Variants in CATSPERT observed in about 807,000 individuals in gnomAD.
CATSPERT encodes catsper channel auxiliary subunit tau.
chr2:201,578,848 T>C, the CATSPERT span, among the ~76,000 whole-genome samples: 1 of 152,186 alleles, frequency 6.6e-6, no homozygotes, highest in Non-Finnish European at 1.5e-5. Flanking sequence ...TAAATTGCCA[T>C]ACAGTCAAAG....
chr2:201,505,691 A>G, the CATSPERT span, among the ~76,000 whole-genome samples: 4 of 152,224 alleles, frequency 2.6e-5, no homozygotes, highest in Non-Finnish European at 4.4e-5. Flanking sequence ...CTGGAGAGTC[A>G]TGACAACAAA....
chr2:201,603,785 CT>C, the CATSPERT span, among the ~76,000 whole-genome samples: 1 of 152,092 alleles, frequency 6.6e-6, no homozygotes, highest in Non-Finnish European at 1.5e-5. Flanking sequence ...GCATCATGTG[CT>C]TAACCAAAAA....
chr2:201,617,643 C>A, the CATSPERT span, among the ~76,000 whole-genome samples: 1 of 152,296 alleles, frequency 6.6e-6, no homozygotes, highest in Non-Finnish European at 1.5e-5. Flanking sequence ...AGGATATAGG[C>A]ATGGCCAAGG....
the CATSPERT span, among the ~76,000 whole-genome samples, chr2:201,560,144 T>C: frequency 6.6e-6 from 1 of 152,106 alleles, no homozygotes; most frequent in Non-Finnish European, 1.5e-5. Context: ...TGTAAAATTG[T>C]GGGCCAGGTA....
At chr2:201,535,398 T>G in the CATSPERT span, 3 of 978,112 alleles carry the variant, frequency 3.1e-6, no homozygotes, top group African/African-American at 1.8e-5. Context: ...GGCTGTCATT[T>G]TGAGAAAGTC....
At chr2:201,595,750 G>A in the CATSPERT span, among the ~76,000 whole-genome samples, 8 of 152,096 alleles carry the variant, frequency 5.3e-5, no homozygotes, top group South Asian at 4.1e-4. Context: ...TTGTTTGGCA[G>A]GGCACAGACA....
the CATSPERT span, among the ~76,000 whole-genome samples, chr2:201,559,016 T>A: frequency 5.9e-5 from 9 of 152,096 alleles, no homozygotes; most frequent in African/African-American, 1.9e-4. Flanking sequence ...GGTGAACCTG[T>A]CCTTAAGCTG....
At chr2:201,530,648 G>A in the CATSPERT span, among the ~76,000 whole-genome samples, 1 of 152,178 alleles carries the variant, frequency 6.6e-6, no homozygotes, top group Non-Finnish European at 1.5e-5. Context: ...TCGGAGATAT[G>A]AGGTTAATGA....
At chr2:201,510,724 A>G in the CATSPERT span, among the ~76,000 whole-genome samples, 1 of 152,224 alleles carries the variant, frequency 6.6e-6, no homozygotes, top group African/African-American at 2.4e-5. Flanking sequence ...AATCATAGAT[A>G]GATTAAATAG....
At chr2:201,496,177 T>C in the CATSPERT span, among the ~76,000 whole-genome samples, 1 of 152,074 alleles carries the variant, frequency 6.6e-6, no homozygotes, top group Non-Finnish European at 1.5e-5. Flanking sequence ...ATAGTCACCC[T>C]ATTGAATTTG....
the CATSPERT span, among the ~76,000 whole-genome samples, chr2:201,612,129 T>C: frequency 1.3e-5 from 2 of 152,230 alleles, no homozygotes; most frequent in African/African-American, 4.8e-5. Flanking sequence ...ATATCATTAT[T>C]TCCTTTTGCT....
chr2:201,555,384 G>T, the CATSPERT span: 2 of 152,036 alleles, frequency 1.3e-5, no homozygotes, highest in Admixed American at 1.3e-4. Context: ...GCATGGTAGC[G>T]CATGCCTGTA....
chr2:201,497,673 T>G, the CATSPERT span, among the ~76,000 whole-genome samples: 4 of 152,298 alleles, frequency 2.6e-5, no homozygotes, highest in East Asian at 7.7e-4. Flanking sequence ...CTGGGTATTA[T>G]TGATTAGATG....
chr2:201,517,039 G>C, the CATSPERT span, among the ~76,000 whole-genome samples: 1 of 150,528 alleles, frequency 6.6e-6, no homozygotes, highest in Non-Finnish European at 1.5e-5. Flanking sequence ...TTTTCTTTCT[G>C]GCACATGCTG....
At chr2:201,562,559 A>G in the CATSPERT span, among the ~76,000 whole-genome samples, 5 of 148,318 alleles carry the variant, frequency 3.4e-5, no homozygotes, top group East Asian at 4.0e-4. Context: ...GGTGTTTCTC[A>G]CAGAGGGGGA....
At chr2:201,545,659 A>G in the CATSPERT span, 1 of 894,372 alleles carries the variant, frequency 1.1e-6, no homozygotes, top group South Asian at 2.3e-5. Flanking sequence ...AAAAAGAAAA[A>G]AAAATATATA....
At chr2:201,491,397 C>A in the CATSPERT span, 3 of 1,537,174 alleles carry the variant, frequency 2.0e-6, no homozygotes, top group Non-Finnish European at 2.6e-6. Context: ...CTTCTACAAC[C>A]TTATATTGGA....
chr2:201,543,942 T>C, the CATSPERT span, among the ~76,000 whole-genome samples: 1 of 152,170 alleles, frequency 6.6e-6, no homozygotes, highest in African/African-American at 2.4e-5. Context: ...ATGTGCCATG[T>C]TGGTGTGCTG....
the CATSPERT span, among the ~76,000 whole-genome samples, chr2:201,501,163 C>G: frequency 6.6e-6 from 1 of 151,854 alleles, no homozygotes; most frequent in East Asian, 1.9e-4. Context: ...CTTTGGGAGG[C>G]CAAAGTGGGC....
Sources: allele counts gnomAD v4.1 joint callset (sites outside exome capture counted in the v4.1 genomes callset), GRCh38; gene constraint gnomAD v4.1.1; transcripts MANE v1.5; gene names NCBI Gene and HGNC (gene_info 2026-07-23, HGNC 2026-07-21).